The following CEP63 variants were observed in gnomAD, a reference collection of about 807,000 sequenced individuals.
The protein encoded by CEP63 is centrosomal protein of 63 kDa.
A neutral mutation model predicts 89.1 loss-of-function variants in CEP63; 84 were observed. The observed-to-expected ratio is 0.94, with a 90% CI of 0.79 to 1.13. The LOEUF (loss-of-function observed/expected upper bound fraction) is 1.13, where lower values mean the gene tolerates loss of function less well. Ranked by LOEUF, CEP63 falls within the 50% of genes most tolerant of loss-of-function variation. The pLI is 0.00. For missense variants in CEP63, 838 were observed against 813.3 expected (o/e 1.03, Z -0.37); for synonymous variants, 267 against 272.5 (o/e 0.98, Z 0.20).
the CEP63 span, chr3:134,780,013 T>C: frequency 8.4e-4 from 128 of 152,320 alleles, no homozygotes; most frequent in African/African-American, 2.8e-3. Flanking sequence ...TCCAAAACCT[T>C]TGAAGCAATT....
At chr3:134,708,586 T>C in the CEP63 span, among the ~76,000 whole-genome samples, 1 of 152,248 alleles carries the variant, frequency 6.6e-6, no homozygotes, top group Non-Finnish European at 1.5e-5. Flanking sequence ...TTTCTCCATA[T>C]TGTACTTCGT....
At chr3:134,744,593 C>A in the CEP63 span, among the ~76,000 whole-genome samples, 1 of 152,174 alleles carries the variant, frequency 6.6e-6, no homozygotes, top group Non-Finnish European at 1.5e-5. Context: ...CAGCTCACTG[C>A]ATCCTTGAAC....
At chr3:134,696,697 T>C in the CEP63 span, among the ~76,000 whole-genome samples, 1 of 152,166 alleles carries the variant, frequency 6.6e-6, no homozygotes, top group Admixed American at 6.5e-5. Context: ...TGTGTGTATA[T>C]GTGTAAGTGT....
At chr3:134,762,996 C>T in the CEP63 span, among the ~76,000 whole-genome samples, 1 of 152,102 alleles carries the variant, frequency 6.6e-6, no homozygotes, top group African/African-American at 2.4e-5. Flanking sequence ...GGTAACACTT[C>T]GAACTGTGAA....
chr3:134,561,277 C>A lies in CEP63; in HGVS notation c.1954-100C>A. 4 of 1,233,416 alleles carry A rather than the reference C, an allele frequency of 3.2e-6. No homozygotes were observed. In the Admixed American group the frequency reaches 5.1e-5, roughly 16 times the overall value. 76.4% of individuals were successfully genotyped at this position (1,233,416 alleles called of 1,614,324 possible). ...AAAAGTATCTTCAGAGGAAAAAAAT[C>A]ACCTTTTAATATTGCTAGTTAGAAA... On this transcript the variant is annotated intron_variant, in intron 14 of 14. Transcript: ENST00000675561.
chr3:134,679,618 C>T, the CEP63 span, among the ~76,000 whole-genome samples: 5 of 152,206 alleles, frequency 3.3e-5, no homozygotes, highest in African/African-American at 1.2e-4. Context: ...TAGTCTTAAC[C>T]TCCAGTACCT....
downstream of CEP63, among the ~76,000 whole-genome samples, chr3:134,575,483 C>T (rs1478839475): frequency 8.4e-6 from 1 of 118,604 alleles, no homozygotes; most frequent in Non-Finnish European, 1.8e-5. Flanking sequence ...CTCCCTCCCT[C>T]CCTCCCTCCC....
At chr3:134,590,560 T>C (rs1958579210), downstream of CEP63, among the ~76,000 whole-genome samples, 1 of 151,824 alleles carries the variant, frequency 6.6e-6, no homozygotes, top group Admixed American at 6.6e-5. Context: ...CACTCTAGAG[T>C]GGAAGATGGG....
At chr3:134,490,521 G>A (rs1937244390) in intron 1 of CEP63, among the ~76,000 whole-genome samples, 2 of 151,962 alleles carry the variant, frequency 1.3e-5, no homozygotes, top group South Asian at 4.1e-4. Context: ...GTAATTTATT[G>A]TATAGTTAGC....
At chr3:134,516,502 C>T (rs550059791) in intron 3 of CEP63, among the ~76,000 whole-genome samples, 10 of 152,280 alleles carry the variant, frequency 6.6e-5, no homozygotes, top group Admixed American at 2.6e-4. Context: ...GGCTGGGGGA[C>T]GGTCAGGTCT....
the CEP63 span, among the ~76,000 whole-genome samples, chr3:134,773,631 T>G: frequency 6.6e-6 from 1 of 152,184 alleles, no homozygotes; most frequent in Admixed American, 6.5e-5. Context: ...TCCAACCTCA[T>G]GTCTTACATT....
At chr3:134,600,379 T>A in the CEP63 span, among the ~76,000 whole-genome samples, 1 of 152,260 alleles carries the variant, frequency 6.6e-6, no homozygotes, top group South Asian at 2.1e-4. Flanking sequence ...GTTCTTTATG[T>A]CTAGCCGAAA....
At chr3:134,709,163 C>T in the CEP63 span, among the ~76,000 whole-genome samples, 1 of 152,160 alleles carries the variant, frequency 6.6e-6, no homozygotes, top group East Asian at 1.9e-4. Context: ...TAGAGCTTCC[C>T]ATGAGAGAGG....
chr3:134,645,701 T>C, the CEP63 span, among the ~76,000 whole-genome samples: 2 of 152,238 alleles, frequency 1.3e-5, no homozygotes, highest in Non-Finnish European at 2.9e-5. Context: ...GGAGCCTCTG[T>C]CCAGCCCTGC....
downstream of CEP63, among the ~76,000 whole-genome samples, chr3:134,591,360 T>C (rs1266337098): frequency 1.3e-5 from 2 of 152,238 alleles, no homozygotes; most frequent in African/African-American, 4.8e-5. Context: ...CTGTTTTCAT[T>C]CACTGCTCTG....
chr3:134,585,524 A>G (rs1040027598), intron 10 of CEP63, among the ~76,000 whole-genome samples: 5 of 152,186 alleles, frequency 3.3e-5, no homozygotes, highest in Non-Finnish European at 7.3e-5. Context: ...CTTAATCCTG[A>G]GTTCTAATTT....
chr3:134,529,644 A>G (rs1340803340), intron 3 of CEP63, among the ~76,000 whole-genome samples: 1 of 150,480 alleles, frequency 6.6e-6, no homozygotes, highest in Non-Finnish European at 1.5e-5. Flanking sequence ...CCCGGCCCCA[A>G]CAAATTCTTA....
intron 9 of CEP63, 71 bp downstream of exon 9, chr3:134,547,543 TGA>T: frequency 7.9e-7 from 1 of 1,262,236 alleles, no homozygotes; most frequent in Non-Finnish European, 1.1e-6. Context: ...ATATTGTAAA[TGA>T]ATGTAATAGT....
intron 3 of CEP63, among the ~76,000 whole-genome samples, chr3:134,516,201 G>T (rs1946173357): frequency 6.6e-6 from 1 of 152,148 alleles, no homozygotes; most frequent in Admixed American, 6.5e-5. Flanking sequence ...GTGAACAAAG[G>T]TCTCTGCATC....
Sources: gnomAD v4.1 joint callset for allele counts (sites outside exome capture counted in the v4.1 genomes callset) on GRCh38, gnomAD v4.1.1 for gene constraint, MANE v1.5 for transcripts, NCBI Gene and HGNC (gene_info 2026-07-23, HGNC 2026-07-21) for gene names.